MN1: variants seen among roughly 807,000 people sequenced by gnomAD.
MN1 encodes transcriptional activator MN1.
A neutral mutation model predicts 86.9 loss-of-function variants in MN1; 19 were observed. The observed-to-expected ratio is 0.22, with a 90% confidence interval of 0.15 to 0.32. The LOEUF (loss-of-function observed/expected upper bound fraction) is 0.32, where lower values mean the gene tolerates loss of function less well. Ranked by LOEUF, MN1 falls within the 10% of genes least tolerant of loss-of-function variation. The pLI, the probability that MN1 is intolerant of heterozygous loss-of-function variation, is 1.00. For synonymous variants in MN1, 928 were observed against 849.6 expected, an observed-to-expected ratio of 1.09 and a Z score of -1.60; for missense variants, 1,841 against 1,862.0, an observed-to-expected ratio of 0.99 and a Z score of 0.21.
rs532063105 is a variant in MN1, at chr22:27,772,959, G to T, written c.3782-21863C>A. 6.8e-4 allele frequency among the ~76,000 whole-genome samples: 103 copies of T among 151,800 alleles called. 1 individual carries two copies. In the South Asian group the frequency reaches 7.5e-3, roughly 11 times the overall value. ...ACTAGGCCCAGTTTGAGGCTGGGGT[G>T]GGGGAGAATCAGGAGAAGAATTTGG... On this transcript the variant is annotated intron_variant, in intron 1 of 1. Coordinates refer to ENST00000302326, the MANE Select transcript of MN1 (RefSeq NM_002430.3).
rs539706714 is a variant in MN1 at position 27,789,251 on chromosome 22, GATCTTCTATAGCAATGGGTCCCAA to G, written c.3781+7488_3781+7511del. Among the ~76,000 whole-genome samples, 427 of 152,284 alleles carry G rather than the reference GATCTTCTATAGCAATGGGTCCCAA, an allele frequency of 2.8e-3. 14 individuals carry two copies. In the East Asian group the frequency reaches 0.071, roughly 25 times the overall value. On this transcript the variant is annotated intron_variant, in intron 1 of 1. Transcript: ENST00000302326. ...TCTTTGAAGTCCCCAACTTTCCAAA[GATCTTCTATAGCAATGGGTCCCAA>G]ATACGCCTCCGCCAAGGGGTCTCCC...
At chr22:27,795,819 AAAG>A (rs1315060061) in intron 1 of MN1, among the ~76,000 whole-genome samples, 1 of 152,146 alleles carries the variant, frequency 6.6e-6, no homozygotes, top group African/African-American at 2.4e-5. Context: ...CTTAGGTTAA[AAAG>A]AACTGTTATT....
At chr22:27,759,224 A>C (rs1401321258) in intron 1 of MN1, among the ~76,000 whole-genome samples, 1 of 151,882 alleles carries the variant, frequency 6.6e-6, no homozygotes, top group Non-Finnish European at 1.5e-5. Context: ...CCCACAGCCC[A>C]ACTAGAACCC....
Position 27,798,136 on chromosome 22 carries a change from C to G in MN1, c.2408G>C (p.Gly803Ala). The change falls in exon 1 of 2, where the codon GGC (glycine) becomes GCC (alanine). Residue 803 changes from glycine (G) to alanine (A), a missense_variant. Gly to Ala is a moderately conservative substitution (Grantham distance 60). Transcript: ENST00000302326. ...GTTGAAGGAGCCCAGCGAGAGCGCG[C>G]CCAATTTACTGGCCGAGGTGCGCTG... ...PSQRTSASKL[G>A]ALSLGSFNKP... 1 of 1,602,958 alleles carries G rather than the reference C, an allele frequency of 6.2e-7. No individual in the cohort carries two copies. Among genetic ancestry groups the G allele is most frequent in the Non-Finnish European group, 8.5e-7 (1 of 1,177,272 alleles).
At chr22:27,755,312 G>C (rs1932794998) in intron 1 of MN1, among the ~76,000 whole-genome samples, 1 of 152,194 alleles carries the variant, frequency 6.6e-6, no homozygotes, top group Admixed American at 6.5e-5. Context: ...CCATGTGCAT[G>C]TTGGGGGGTC....
chr22:27,759,234 C>T (rs1019035097), intron 1 of MN1, among the ~76,000 whole-genome samples: 5 of 152,182 alleles, frequency 3.3e-5, no homozygotes, highest in South Asian at 2.1e-4. Context: ...AACTAGAACC[C>T]GTCTGCGGGG....
chr22:27,792,230 G>A (rs34542000), intron 1 of MN1, among the ~76,000 whole-genome samples: 6,753 of 149,578 alleles, frequency 0.045, 204 homozygotes, highest in East Asian at 0.13. Flanking sequence ...CCTTATTTCC[G>A]GTCTGAAGGG....
At chr22:27,756,636 A>G (rs1442006366) in intron 1 of MN1, among the ~76,000 whole-genome samples, 2 of 152,168 alleles carry the variant, frequency 1.3e-5, no homozygotes, top group African/African-American at 4.8e-5. Context: ...AAGAGAACCT[A>G]CCTTGCAGGC....
chr22:27,784,575 A>C (rs541001392), intron 1 of MN1, among the ~76,000 whole-genome samples: 1 of 152,314 alleles, frequency 6.6e-6, no homozygotes, highest in Admixed American at 6.5e-5. Flanking sequence ...GAATTTCATT[A>C]GGGGGAAAAT....
chr22:27,780,367 T>A (rs1933036420), intron 1 of MN1, among the ~76,000 whole-genome samples: 1 of 152,184 alleles, frequency 6.6e-6, no homozygotes, highest in Non-Finnish European at 1.5e-5. Context: ...CCTTAGGACC[T>A]GCCCTCACTG....
At chr22:27,781,608 C>T (rs758710466) in intron 1 of MN1, among the ~76,000 whole-genome samples, 11 of 152,212 alleles carry the variant, frequency 7.2e-5, no homozygotes, top group Non-Finnish European at 1.5e-4. Context: ...TAGCTACCTT[C>T]TGGCTGACAC....
intron 1 of MN1, among the ~76,000 whole-genome samples, chr22:27,772,762 C>T (rs188486490): frequency 6.6e-6 from 1 of 152,176 alleles, no homozygotes; most frequent in African/African-American, 2.4e-5. Flanking sequence ...CAGTGGTTTC[C>T]AGCCGCCAAT....
Position 27,793,353 on chromosome 22 carries a change from G to A in MN1, c.3781+3410C>T, listed in dbSNP as rs552978125. On this transcript the variant is annotated intron_variant, in intron 1 of 1. Transcript: ENST00000302326. ...CCTATTACAAAGATAGGTGGATGAA[G>A]ACTATACTTTCAGGGATCATTTCTA... Among the ~76,000 whole-genome samples the A allele has an allele frequency of 7.6e-5, 11 of 144,682 alleles. No homozygotes were observed. The South Asian group carries it at 2.3e-3, about 30-fold the overall frequency. 94.9% of individuals were successfully genotyped at this position (144,682 alleles called of 152,430 possible). A position where few individuals can be genotyped will look rare whatever the true frequency, so the allele number is the denominator to read the frequency against.
rs16985556 is a variant in MN1 at position 27,777,163 on chromosome 22, A to T, written c.3781+19600T>A. Reference sequence around the variant, plus strand: ...ACAATCACAAGAGATTTCTTCCGAAAGCAAAATCGAGATGAAACCTCCGGT... The same window carrying T: ...ACAATCACAAGAGATTTCTTCCGAATGCAAAATCGAGATGAAACCTCCGGT... On this transcript the variant is annotated intron_variant, in intron 1 of 1. Transcript: ENST00000302326. Among the ~76,000 whole-genome samples the T allele has an allele frequency of 3.2e-3, 484 of 152,336 alleles. 7 individuals carry two copies. In the East Asian group the frequency reaches 0.038, roughly 12 times the overall value.
Position 27,800,844 on chromosome 22 carries a change from T to G in MN1, c.-301A>C, listed in dbSNP as rs1601348042. The stretch of plus-strand genomic sequence containing the variant: ...CGGTTGTCACAGCCGCGGGTGGGTC[T>G]GCGGGGAGGGGACGAAGCCGCGGAT... On this transcript the variant is annotated 5_prime_UTR_variant, in exon 1 of 2. Transcript: ENST00000302326. 17 of 281,654 alleles carry G rather than the reference T, an allele frequency of 6.0e-5. No individual in the cohort carries two copies. The highest frequency in any genetic ancestry group is 1.0e-3 in the Middle Eastern group (1 of 976). The allele number at this position is 281,654 out of a possible 1,614,324, so 17.4% of individuals were successfully genotyped here.
intron 1 of MN1, among the ~76,000 whole-genome samples, chr22:27,757,875 G>A (rs760710117): frequency 2.6e-4 from 40 of 151,844 alleles, no homozygotes; most frequent in South Asian, 8.3e-4. Context: ...AGCAAGCCCC[G>A]GGCATTCCAG....
At position 27,798,180 on chromosome 22, in the gene MN1, C is replaced by G. The variant is rs768504786; in HGVS notation, c.2364G>C (p.Gln788His). 6.4e-7 allele frequency: 1 copy of G among 1,565,098 alleles called. No homozygotes were observed. Among genetic ancestry groups the G allele is most frequent in the Non-Finnish European group, 8.6e-7 (1 of 1,162,742 alleles). The change falls in exon 1 of 2, where the codon CAG becomes CAC. Residue 788 changes from glutamine to histidine, a missense_variant. Transcript: ENST00000302326. ...TGCGCTGGCTGGGCTGGAAATCAGG[C>G]TGCGGCGGGTAGGCACCCCCGCCAC... ...GGGGGGAYPP[Q>H]PDFQPSQRTS...
chr22:27,775,192 G>A (rs897420273), intron 1 of MN1, among the ~76,000 whole-genome samples: 2 of 152,236 alleles, frequency 1.3e-5, no homozygotes, highest in African/African-American at 4.8e-5. Context: ...CTTCACAGCG[G>A]CTGGAGGGTG....
chr22:27,757,514 C>T (rs1932808967), intron 1 of MN1, among the ~76,000 whole-genome samples: 2 of 152,202 alleles, frequency 1.3e-5, no homozygotes, highest in Admixed American at 1.3e-4. Flanking sequence ...TAACTCGGGG[C>T]TTATGTAAGA....
Sources: allele counts gnomAD v4.1 joint callset (sites outside exome capture counted in the v4.1 genomes callset), GRCh38; gene constraint gnomAD v4.1.1; transcripts MANE v1.5; gene names NCBI Gene and HGNC (gene_info 2026-07-23, HGNC 2026-07-21).